SPTLC2: variants seen among roughly 807,000 people sequenced by gnomAD.
The protein encoded by SPTLC2 is serine palmitoyltransferase long chain base subunit 2.
Under a neutral mutation model 62.0 loss-of-function variants are expected in SPTLC2, and 21 were observed. That is an observed-to-expected ratio of 0.34 (90% CI 0.24 to 0.49). The LOEUF is 0.49. Ranked by LOEUF, SPTLC2 falls within the 20% of genes least tolerant of loss-of-function variation. The pLI is 0.99. For missense variants in SPTLC2, 511 were observed against 713.0 expected (o/e 0.72, Z 3.23); for synonymous variants, 261 against 261.8 (o/e 1.00, Z 0.03).
chr14:77,514,980 T>G (rs908741076), intron 11 of SPTLC2, among the ~76,000 whole-genome samples: 5 of 152,228 alleles, frequency 3.3e-5, no homozygotes, highest in African/African-American at 1.2e-4. Flanking sequence ...ACTTCACTCT[T>G]CTGCATCCAG....
At chr14:77,578,764 C>T (rs1056543887) in intron 3 of SPTLC2, 191 bp downstream of exon 3, 2 of 559,468 alleles carry the variant, frequency 3.6e-6, no homozygotes, top group Non-Finnish European at 6.1e-6. Flanking sequence ...TAATCCAACA[C>T]AGTATCAAAT....
At chr14:77,528,262 ACTCTTGTTGC>A (rs1390935705) in intron 9 of SPTLC2, among the ~76,000 whole-genome samples, 1 of 149,368 alleles carries the variant, frequency 6.7e-6, no homozygotes, top group Non-Finnish European at 1.5e-5. Flanking sequence ...ATGGAGTTTC[ACTCTTGTTGC>A]CCAGGCAGGA....
chr14:77,616,531 T>C lies in SPTLC2; in HGVS notation c.49A>G (p.Asn17Asp). Residue 17 changes from asparagine to aspartate, a missense_variant, in exon 1 of 12, where the codon AAT becomes GAT. Coordinates refer to ENST00000216484, the MANE Select transcript of SPTLC2 (RefSeq NM_004863.4). ...ACTTCCCCGTTCGCCACGCAGCCAT[T>C]CGCCCGCACCGTGCGGCGGCAGCAG... is the stretch of plus-strand genomic sequence containing the variant. ...GCCCRRTVRA[N>D]GCVANGEVRN... The C allele has an allele frequency of 1.3e-6, 2 of 1,535,314 alleles. No individual in the cohort carries two copies. The highest frequency in any genetic ancestry group is 1.2e-5 in the South Asian group (1 of 84,034).
intron 2 of SPTLC2, 123 bp downstream of exon 2, chr14:77,597,063 T>G (rs1272759909): frequency 1.1e-6 from 1 of 902,830 alleles, no homozygotes; most frequent in Non-Finnish European, 1.7e-6. Flanking sequence ...TTCATTTAAC[T>G]GCATCTGGAA....
In SPTLC2 at chr14:77,509,879, C is replaced by G. The variant is rs1026693852; in HGVS notation, c.*2405G>C. 2 of 398,268 alleles carry G rather than the reference C, an allele frequency of 5.0e-6. No homozygotes were observed. The highest frequency in any genetic ancestry group is 8.8e-5 in the Admixed American group (2 of 22,706). 24.7% of individuals were successfully genotyped at this position (398,268 alleles called of 1,614,324 possible). A position where few individuals can be genotyped will look rare whatever the true frequency, so the allele number is the denominator to read the frequency against. ...TTATCTTGAAATAACTTTGTACCAA[C>G]AAAGTGATATAGATATATTTTAAAT... On this transcript the variant is annotated 3_prime_UTR_variant, in exon 12 of 12. Transcript: ENST00000216484.
intron 8 of SPTLC2, 82 bp downstream of exon 8, chr14:77,555,218 G>T: frequency 1.3e-6 from 2 of 1,552,794 alleles, no homozygotes; most frequent in Non-Finnish European, 8.9e-7. Context: ...CCCAGTTCAG[G>T]GCCCCATCTG....
chr14:77,547,135 G>A (rs1450355249), intron 9 of SPTLC2, among the ~76,000 whole-genome samples: 1 of 151,962 alleles, frequency 6.6e-6, no homozygotes, highest in East Asian at 1.9e-4. Context: ...AAAGTGCTGG[G>A]ATTACAGGTG....
intron 2 of SPTLC2, among the ~76,000 whole-genome samples, chr14:77,595,506 C>T (rs2140054695): frequency 6.6e-6 from 1 of 152,304 alleles, no homozygotes; most frequent in East Asian, 1.9e-4. Flanking sequence ...GTGAAATTAA[C>T]TTGCAGGGCA....
intron 2 of SPTLC2, among the ~76,000 whole-genome samples, chr14:77,594,146 C>T (rs1247723427): frequency 6.6e-6 from 1 of 152,144 alleles, no homozygotes; most frequent in African/African-American, 2.4e-5. Context: ...TACTCAGATA[C>T]TTTTTTTGTT....
In SPTLC2 at chr14:77,579,075, A is replaced by C; in HGVS notation, c.362T>G (p.Phe121Cys). ...FVSLYQDFEN[F>C]YTRNLYMRIR... ...CCTCATGTACAGATTCCTTGTATAA[A>C]AGTTTTCAAAATCTTGATACAATGA... Residue 121 changes from phenylalanine to cysteine, a missense_variant, in exon 3 of 12, where the codon TTT (phenylalanine) becomes TGT (cysteine). Coordinates refer to ENST00000216484, the MANE Select transcript of SPTLC2 (RefSeq NM_004863.4). The C allele has an allele frequency of 6.2e-7, 1 of 1,614,130 alleles. No individual in the cohort carries two copies. The highest frequency in any genetic ancestry group is 8.5e-7 in the Non-Finnish European group (1 of 1,180,018).
At chr14:77,576,206 A>G (rs1482688445) in intron 4 of SPTLC2, among the ~76,000 whole-genome samples, 2 of 152,242 alleles carry the variant, frequency 1.3e-5, no homozygotes, top group Non-Finnish European at 2.9e-5. Context: ...AATTGGAACA[A>G]TCTGAAATCT....
chr14:77,524,064 G>T (rs1182736466), intron 9 of SPTLC2, among the ~76,000 whole-genome samples: 2 of 152,096 alleles, frequency 1.3e-5, no homozygotes, highest in Admixed American at 6.6e-5. Context: ...AAAGGTAGAA[G>T]AAACATGAGG....
intron 9 of SPTLC2, among the ~76,000 whole-genome samples, chr14:77,540,205 CAAAAAAAAAAAA>C (rs34847653): frequency 1.1e-5 from 1 of 87,716 alleles, no homozygotes; most frequent in East Asian, 3.4e-4. Context: ...ACTCTTGTCT[CAAAAAAAAAAAA>C]AAAAAAAAAA....
At chr14:77,549,104 C>T (rs1403436206) in intron 9 of SPTLC2, among the ~76,000 whole-genome samples, 1 of 151,916 alleles carries the variant, frequency 6.6e-6, no homozygotes, top group Non-Finnish European at 1.5e-5. Context: ...GTGTGTGGAT[C>T]ATGGGGAGGA....
chr14:77,591,730 G>GTATGTATGTATGTATGTATGTATTTATT (rs372095112), intron 2 of SPTLC2, among the ~76,000 whole-genome samples: 59 of 131,272 alleles, frequency 4.5e-4, no homozygotes, highest in Middle Eastern at 3.6e-3. Flanking sequence ...ATGTATGTAT[G>GTATGTATGTATGTATGTATGTATTTATT]TATTTATTTT....
intron 5 of SPTLC2, among the ~76,000 whole-genome samples, chr14:77,566,812 A>T (rs1219836546): frequency 6.6e-6 from 1 of 151,912 alleles, no homozygotes; most frequent in Non-Finnish European, 1.5e-5. Context: ...CTATGCTCTT[A>T]ATCAATATAC....
chr14:77,610,716 C>G (rs1423997453), intron 1 of SPTLC2, among the ~76,000 whole-genome samples: 1 of 151,948 alleles, frequency 6.6e-6, no homozygotes, highest in Non-Finnish European at 1.5e-5. Context: ...CTTTGGTAGG[C>G]TGAAGCAGGA....
At chr14:77,515,308 C>T (rs550733460) in intron 11 of SPTLC2, among the ~76,000 whole-genome samples, 1 of 152,234 alleles carries the variant, frequency 6.6e-6, no homozygotes, top group South Asian at 2.1e-4. Context: ...CAAAAAAGGG[C>T]CAGTGGCTTA....
chr14:77,540,205 C>CAAAAAAA (rs34847653), intron 9 of SPTLC2, among the ~76,000 whole-genome samples: 12 of 87,670 alleles, frequency 1.4e-4, no homozygotes, highest in Non-Finnish European at 1.4e-4. Context: ...ACTCTTGTCT[C>CAAAAAAA]AAAAAAAAAA....
Sources: gnomAD v4.1 joint callset for allele counts (sites outside exome capture counted in the v4.1 genomes callset) on GRCh38, gnomAD v4.1.1 for gene constraint, MANE v1.5 for transcripts, NCBI Gene and HGNC (gene_info 2026-07-23, HGNC 2026-07-21) for gene names.